ACAD11: variants seen among roughly 807,000 people sequenced by gnomAD.
ACAD11 encodes the protein acyl-Coenzyme A dehydrogenase family, member 11.
Under a neutral mutation model 102.2 loss-of-function variants are expected in ACAD11, and 83 were observed. The observed-to-expected ratio is 0.81, with a 90% confidence interval of 0.68 to 0.97. ACAD11 has a LOEUF of 0.97. Ranked by LOEUF, ACAD11 falls within the 50% of genes least tolerant of loss-of-function variation. ACAD11 has a pLI of 0.00. For missense variants in ACAD11, 901 were observed against 951.7 expected (o/e 0.95, Z 0.70); for synonymous variants, 324 against 319.8 (o/e 1.01, Z -0.14).
intron 8 of ACAD11, 48 bp downstream of exon 8, chr3:132,628,292 C>T (rs1004255695): frequency 4.5e-6 from 6 of 1,346,860 alleles, no homozygotes; most frequent in Non-Finnish European, 6.3e-6. Flanking sequence ...CTTCACATAC[C>T]CAATAAAGGC....
intron 11 of ACAD11, among the ~76,000 whole-genome samples, chr3:132,610,310 A>C (rs2107835287): frequency 6.6e-6 from 1 of 152,284 alleles, no homozygotes; most frequent in East Asian, 1.9e-4. Context: ...CATCACAATT[A>C]AAAGAACTAG....
chr3:132,619,622 T>G, intron 9 of ACAD11, 77 bp from the exon 10 acceptor site: 1 of 745,942 alleles, frequency 1.3e-6, no homozygotes, highest in Non-Finnish European at 2.2e-6. Context: ...TGCTAATATC[T>G]AAAATAAACA....
chr3:132,609,678 T>G (rs1939027357), intron 11 of ACAD11, among the ~76,000 whole-genome samples: 1 of 152,166 alleles, frequency 6.6e-6, no homozygotes, highest in African/African-American at 2.4e-5. Context: ...CCAGATGGTT[T>G]CACAGTCGAA....
rs891242215 is a variant in ACAD11 at position 132,626,828 on chromosome 3, A to G, written c.1071-11T>C. 6.3e-7 allele frequency: 1 copy of G among 1,598,236 alleles called. No individual in the cohort carries two copies. Among genetic ancestry groups the G allele is most frequent in the Admixed American group, 1.8e-5 (1 of 55,874 alleles). On this transcript the variant is annotated splice_polypyrimidine_tract_variant and intron_variant, in intron 8 of 19. Coordinates refer to ENST00000264990, the MANE Select transcript of ACAD11 (RefSeq NM_032169.5). ...ACAGTACTGAAAGTTCTTTGCCAAA[A>G]GAAAAAAGGAAAAAAAGGTTACAAA... is the stretch of plus-strand genomic sequence containing the variant.
Position 132,646,813 on chromosome 3 carries a change from T to C in ACAD11, c.150-1917A>G, listed in dbSNP as rs148141604. 4.0e-3 allele frequency among the ~76,000 whole-genome samples: 607 copies of C among 152,264 alleles called. 7 individuals are homozygous for C. The highest frequency in any genetic ancestry group is 0.012 in the African/African-American group (500 of 41,558). ...CTACAACATGGATGAATCTTGAAAA[T>C]ATTATGTTAAGTGAAAGAAGCTAGT... On this transcript the variant is annotated intron_variant, in intron 1 of 19. Transcript: ENST00000264990.
intron 13 of ACAD11, among the ~76,000 whole-genome samples, 200 bp downstream of exon 13, chr3:132,603,029 C>T (rs182707463): frequency 6.6e-6 from 1 of 152,184 alleles, no homozygotes; most frequent in Non-Finnish European, 1.5e-5. Context: ...TCTTGAACTC[C>T]TGGCCTCAGG....
At chr3:132,635,659 C>A (rs1312491709) in intron 5 of ACAD11, among the ~76,000 whole-genome samples, 1 of 152,078 alleles carries the variant, frequency 6.6e-6, no homozygotes, top group East Asian at 1.9e-4. Context: ...GCGGGTAGCA[C>A]ATATAGTTCA....
chr3:132,626,163 GCAT>G (rs1233950119), intron 9 of ACAD11, among the ~76,000 whole-genome samples: 2 of 152,120 alleles, frequency 1.3e-5, no homozygotes, highest in Non-Finnish European at 2.9e-5. Context: ...AGGTGCCTAA[GCAT>G]CATCAAGTAC....
intron 13 of ACAD11, among the ~76,000 whole-genome samples, chr3:132,587,108 C>T (rs977975011): frequency 6.6e-6 from 1 of 151,866 alleles, no homozygotes; most frequent in Non-Finnish European, 1.5e-5. Flanking sequence ...CAAAAAAGAA[C>T]AAAAAAACAA....
chr3:132,597,431 G>T, intron 13 of ACAD11: 1 of 146,776 alleles, frequency 6.8e-6, no homozygotes, highest in Non-Finnish European at 1.5e-5. Context: ...AAGTTTAAAT[G>T]CTTACTTGTA....
In ACAD11 at chr3:132,609,721, C is replaced by T. The variant is rs377576336; in HGVS notation, c.1415-4516G>A. Among the ~76,000 whole-genome samples, 5 of 152,228 alleles carry T rather than the reference C, an allele frequency of 3.3e-5. No homozygotes were observed. The East Asian group carries it at 9.6e-4, about 29-fold the overall frequency. On this transcript the variant is annotated intron_variant, in intron 11 of 19. Transcript: ENST00000264990. ...AGAGGTACAAAGAGGAGCTGGTACC[C>T]TTCCTTCTGAAACTATTCCAAATAG...
At chr3:132,652,920 T>C (rs1228954349) in intron 1 of ACAD11, among the ~76,000 whole-genome samples, 1 of 152,250 alleles carries the variant, frequency 6.6e-6, no homozygotes, top group South Asian at 2.1e-4. Flanking sequence ...TGAATCACTA[T>C]TGGTTAAGGT....
chr3:132,640,386 C>T lies in ACAD11; in HGVS notation c.538-730G>A, dbSNP rs190108142. ...TACAAGCTTCAGCCACCGCGCCCAG[C>T]CTACTTTTCATTTTAATACTCTTTC... On this transcript the variant is annotated intron_variant, in intron 4 of 19. Transcript: ENST00000264990. Among the ~76,000 whole-genome samples the T allele has an allele frequency of 3.9e-5, 6 of 152,274 alleles. No individual in the cohort carries two copies. In the East Asian group the frequency reaches 9.6e-4, roughly 24 times the overall value.
At chr3:132,650,139 TGA>T (rs1048362456) in intron 1 of ACAD11, 18 of 152,060 alleles carry the variant, frequency 1.2e-4, no homozygotes, top group Admixed American at 9.8e-4. Context: ...CAGTGAAAAA[TGA>T]GAGACGGCAA....
At chr3:132,586,293 A>G (rs570555129) in intron 13 of ACAD11, among the ~76,000 whole-genome samples, 2 of 152,334 alleles carry the variant, frequency 1.3e-5, no homozygotes, top group South Asian at 4.1e-4. Flanking sequence ...TTGAACAATG[A>G]GAACACATGG....
chr3:132,627,072 GT>G (rs1189383269), intron 8 of ACAD11: 1 of 289,668 alleles, frequency 3.5e-6, no homozygotes, highest in Non-Finnish European at 6.5e-6. Flanking sequence ...CTCAAGCAAT[GT>G]TAGTGATAGA....
At chr3:132,568,715 A>G (rs1937284232) in intron 17 of ACAD11, among the ~76,000 whole-genome samples, 1 of 145,614 alleles carries the variant, frequency 6.9e-6, no homozygotes, top group Admixed American at 7.0e-5. Context: ...TGTCTGACTG[A>G]TTTTTGAGAA....
intron 10 of ACAD11, 150 bp from the exon 11 acceptor site, chr3:132,618,922 A>AC: frequency 1.6e-6 from 1 of 639,410 alleles, no homozygotes; most frequent in Non-Finnish European, 2.3e-6. Context: ...AGTGAGCAAA[A>AC]CCAAGTTCTT....
intron 17 of ACAD11, among the ~76,000 whole-genome samples, chr3:132,571,494 C>T (rs1576549378): frequency 6.6e-6 from 1 of 152,010 alleles, no homozygotes; most frequent in Non-Finnish European, 1.5e-5. Context: ...TGCAGAAGCT[C>T]GTTAGTTTAA....
Sources: allele counts gnomAD v4.1 joint callset (sites outside exome capture counted in the v4.1 genomes callset), GRCh38; gene constraint gnomAD v4.1.1; transcripts MANE v1.5; gene names NCBI Gene and HGNC (gene_info 2026-07-23, HGNC 2026-07-21).